Variants in TMEM231 observed in about 807,000 individuals in gnomAD.
TMEM231 encodes the protein transmembrane protein 231.
In TMEM231, 40 loss-of-function variants were observed where a neutral mutation model predicts 38.5. The observed-to-expected ratio is 1.04, with a 90% CI of 0.81 to 1.35. The LOEUF is 1.35. Ranked by LOEUF, TMEM231 falls within the 40% of genes most tolerant of loss-of-function variation. The pLI is 0.00. For synonymous variants in TMEM231, 199 were observed against 181.7 expected (o/e 1.10, Z -0.77); for missense variants, 420 against 416.9 (o/e 1.01, Z -0.07).
intron 4 of TMEM231, among the ~76,000 whole-genome samples, chr16:75,543,960 T>A (rs552919748): frequency 2.6e-5 from 4 of 152,242 alleles, no homozygotes; most frequent in Non-Finnish European, 4.4e-5. Flanking sequence ...TCAGCTCAAC[T>A]TCTATGGTCC....
intron 2 of TMEM231, among the ~76,000 whole-genome samples, chr16:75,552,146 A>T (rs893632544): frequency 1.3e-5 from 2 of 152,054 alleles, no homozygotes; most frequent in African/African-American, 2.4e-5. Flanking sequence ...CATTAAAAGA[A>T]AAACAAAAAC....
intron 2 of TMEM231, among the ~76,000 whole-genome samples, chr16:75,551,487 T>G (rs1393102105): frequency 1.3e-5 from 2 of 152,244 alleles, no homozygotes; most frequent in African/African-American, 4.8e-5. Flanking sequence ...CTCAGCCTTG[T>G]ATTTCAATCT....
intron 2 of TMEM231, chr16:75,555,219 A>T (rs1298659301): frequency 2.0e-5 from 3 of 152,356 alleles, no homozygotes; most frequent in Non-Finnish European, 2.9e-5. Flanking sequence ...AATTACAGAC[A>T]GTAACATGCT....
chr16:75,555,182 G>A (rs1166205), intron 2 of TMEM231: 152,340 of 152,358 alleles, frequency 1, 76,161 homozygotes, highest in Non-Finnish European at 1. Flanking sequence ...CGCTCTACTG[G>A]TGAAAAAATT....
At chr16:75,553,162 C>T (rs989161571) in intron 2 of TMEM231, among the ~76,000 whole-genome samples, 1 of 152,218 alleles carries the variant, frequency 6.6e-6, no homozygotes, top group Admixed American at 6.5e-5. Context: ...CAACCTTAAT[C>T]AACAACCACT....
chr16:75,546,674 C>T (rs925088208), intron 2 of TMEM231, among the ~76,000 whole-genome samples: 3 of 152,098 alleles, frequency 2.0e-5, no homozygotes, highest in Non-Finnish European at 2.9e-5. Flanking sequence ...AACTCCTGAC[C>T]TCGGGTGATC....
rs1229679007 is a variant in TMEM231, at chr16:75,538,907, G to A, written c.*1087C>T. 1 of 152,226 alleles carries A rather than the reference G, an allele frequency of 6.6e-6. No homozygotes were observed. Among genetic ancestry groups the A allele is most frequent in the East Asian group, 1.9e-4 (1 of 5,188 alleles). The allele number at this position is 152,226 out of a possible 1,614,324, so 9.4% of individuals were successfully genotyped here. ...CTGGACTGCTTGGTATTCTGCTAGT[G>A]GCCAGGCTGGACTGGCCTGCCCAGG... On this transcript the variant is annotated 3_prime_UTR_variant, in exon 7 of 7. Transcript: ENST00000258173.
At chr16:75,540,206 G>T (rs373207445) in intron 6 of TMEM231, 32 bp from the exon 7 acceptor site, 128 of 1,583,458 alleles carry the variant, frequency 8.1e-5, no homozygotes, top group Non-Finnish European at 1.0e-4. Context: ...AGGGCCACAT[G>T]GTGTTAAGTA....
Position 75,537,951 on chromosome 16 carries a change from G to A in TMEM231, c.*2043C>T, listed in dbSNP as rs2080577336. 1 of 152,180 alleles carries A rather than the reference G, an allele frequency of 6.6e-6. No homozygotes were observed. The highest frequency in any genetic ancestry group is 2.4e-5 in the African/African-American group (1 of 41,438). 9.4% of individuals were successfully genotyped at this position (152,180 alleles called of 1,614,324 possible). A position where few individuals can be genotyped will look rare whatever the true frequency, so the allele number is the denominator to read the frequency against. Reference sequence around the variant, plus strand: ...ACTGAAAACTCATCTACCTGGGGAAGAACTAGGGGACTTTCACCAAAGACC... The same window carrying A: ...ACTGAAAACTCATCTACCTGGGGAAAAACTAGGGGACTTTCACCAAAGACC... On this transcript the variant is annotated 3_prime_UTR_variant, in exon 7 of 7. Transcript: ENST00000258173.
In TMEM231 at chr16:75,556,172, C is replaced by A; in HGVS notation, c.38G>T (p.Arg13Leu). ...GGAGCAGAGCCCCGCGCGGTAACTGCGCTCGACCGGGTGAGAGAAGAGCTC... is the reference window on the plus strand; with the variant it reads ...GGAGCAGAGCCCCGCGCGGTAACTGAGCTCGACCGGGTGAGAGAAGAGCTC... ...LYELFSHPVERSYRAGLCSKA... is the reference protein window; with the variant it reads ...LYELFSHPVELSYRAGLCSKA... The change falls in exon 1 of 7, where the codon CGC becomes CTC. Residue 13 changes from arginine (R) to leucine (L), a missense_variant. Coordinates refer to ENST00000258173, the MANE Select transcript of TMEM231 (RefSeq NM_001077418.3). The A allele has an allele frequency of 1.3e-6, 2 of 1,536,036 alleles. No homozygotes were observed. The highest frequency in any genetic ancestry group is 1.7e-6 in the Non-Finnish European group (2 of 1,145,090).
At position 75,545,220 on chromosome 16, in the gene TMEM231, A is replaced by G. The variant is rs189088794; in HGVS notation, c.582+132T>C. On this transcript the variant is annotated intron_variant, in intron 4 of 6. Coordinates refer to ENST00000258173, the MANE Select transcript of TMEM231 (RefSeq NM_001077418.3). ...ATCCATCCGCACATCTCCGCCTCCC[A>G]AAGTGCTGGGATTACAGGTATGAGC... 5.0e-5 allele frequency: 66 copies of G among 1,320,186 alleles called. 1 individual carries two copies. The Middle Eastern group carries it at 2.0e-3, about 40-fold the overall frequency. 81.8% of individuals were successfully genotyped at this position (1,320,186 alleles called of 1,614,324 possible). A position where few individuals can be genotyped will look rare whatever the true frequency, so the allele number is the denominator to read the frequency against.
At chr16:75,546,079 T>C in intron 2 of TMEM231, 125 bp from the exon 3 acceptor site, 1 of 1,547,908 alleles carries the variant, frequency 6.5e-7, no homozygotes, top group African/African-American at 1.4e-5. Context: ...TCTCCTCCAC[T>C]AAAAGAGAAA....
intron 2 of TMEM231, among the ~76,000 whole-genome samples, chr16:75,548,389 C>A (rs900779450): frequency 3.3e-5 from 5 of 152,242 alleles, no homozygotes; most frequent in Admixed American, 2.6e-4. Flanking sequence ...ACTCATTGAT[C>A]TGTTACGTAC....
chr16:75,541,515 T>C lies in TMEM231; in HGVS notation c.665-60A>G. ...CTGTTTGACTCTGGCAGTTGAAGGCTATAAAGATTATTTGATACCTGGAAA... is the reference window on the plus strand; with the variant it reads ...CTGTTTGACTCTGGCAGTTGAAGGCCATAAAGATTATTTGATACCTGGAAA... On this transcript the variant is annotated intron_variant, in intron 5 of 6. Transcript: ENST00000258173. The C allele has an allele frequency of 4.6e-6, 5 of 1,078,626 alleles. No individual in the cohort carries two copies. In the South Asian group the frequency reaches 8.4e-5, roughly 18 times the overall value. The allele number at this position is 1,078,626 out of a possible 1,614,324, so 66.8% of individuals were successfully genotyped here. A position where few individuals can be genotyped will look rare whatever the true frequency, so the allele number is the denominator to read the frequency against.
In TMEM231 at chr16:75,555,554, G is replaced by A. The variant is rs949407788; in HGVS notation, c.309+250C>T. On this transcript the variant is annotated intron_variant, in intron 2 of 6. Coordinates refer to ENST00000258173, the MANE Select transcript of TMEM231 (RefSeq NM_001077418.3). ...GGCTGCCCCCACACTTCTGGACTCT[G>A]TGTCAGGGCGCACACGCTGACAGCA... The A allele has an allele frequency of 5.7e-4, 268 of 472,696 alleles. 3 individuals are homozygous for A. The highest frequency in any genetic ancestry group is 5.2e-5 in the Non-Finnish European group (14 of 270,878). The allele number at this position is 472,696 out of a possible 1,614,324, so 29.3% of individuals were successfully genotyped here.
chr16:75,540,381 C>T (rs1043272547), intron 6 of TMEM231, among the ~76,000 whole-genome samples: 3 of 152,214 alleles, frequency 2.0e-5, no homozygotes, highest in Admixed American at 6.5e-5. Flanking sequence ...TGATGACCAA[C>T]CTCCTAAACA....
At chr16:75,541,498 C>G in intron 5 of TMEM231, 43 bp from the exon 6 acceptor site, 3 of 1,366,792 alleles carry the variant, frequency 2.2e-6, no homozygotes, top group Non-Finnish European at 3.1e-6. Context: ...GGCTGTTTGA[C>G]TCTGGCAGTT....
At chr16:75,546,159 G>A (rs565278791) in intron 2 of TMEM231, 2 of 1,494,568 alleles carry the variant, frequency 1.3e-6, no homozygotes, top group South Asian at 2.4e-5. Context: ...CTTCATATCT[G>A]GGCCTTTCAA....
chr16:75,554,199 G>C (rs2080788483), intron 2 of TMEM231, among the ~76,000 whole-genome samples: 1 of 152,052 alleles, frequency 6.6e-6, no homozygotes, highest in Non-Finnish European at 1.5e-5. Context: ...TTTCATCAAA[G>C]AGCTGCTATT....
Sources: allele counts gnomAD v4.1 joint callset (sites outside exome capture counted in the v4.1 genomes callset), GRCh38; gene constraint gnomAD v4.1.1; transcripts MANE v1.5; gene names NCBI Gene and HGNC (gene_info 2026-07-23, HGNC 2026-07-21).